The following AGMO variants were observed in gnomAD, a reference collection of about 807,000 sequenced individuals.
AGMO encodes alkylglycerol monooxygenase, also known as glyceryl-ether monooxygenase.
A neutral mutation model predicts 60.2 loss-of-function variants in AGMO; 75 were observed. That is an observed-to-expected ratio of 1.25 (90% CI 1.03 to 1.51). The LOEUF is 1.51. Ranked by LOEUF, AGMO falls within the 40% of genes most tolerant of loss-of-function variation. The pLI is 0.00. For synonymous variants in AGMO, 261 were observed against 177.1 expected (o/e 1.47, Z -3.76); for missense variants, 763 against 525.5 (o/e 1.45, Z -4.42).
chr7:15,118,195 CACACACACACACACAT>C, the AGMO span, among the ~76,000 whole-genome samples: 1 of 151,532 alleles, frequency 6.6e-6, no homozygotes, highest in Admixed American at 6.6e-5. Flanking sequence ...CACACACACA[CACACACACACACACAT>C]ATATACAAAC....
chr7:15,377,947 G>T (rs1026890129), intron 10 of AGMO, among the ~76,000 whole-genome samples: 1 of 152,008 alleles, frequency 6.6e-6, no homozygotes, highest in African/African-American at 2.4e-5. Context: ...GAAATTCTTG[G>T]TTTCAAATTT....
intron 3 of AGMO, among the ~76,000 whole-genome samples, chr7:15,542,967 T>G (rs17168818): frequency 0.034 from 5,194 of 152,246 alleles, 275 homozygotes; most frequent in African/African-American, 0.12. Flanking sequence ...ATATTTAAAT[T>G]TTAACAGCCT....
intron 3 of AGMO, among the ~76,000 whole-genome samples, chr7:15,480,146 T>A (rs1782711216): frequency 6.6e-6 from 1 of 152,164 alleles, no homozygotes; most frequent in African/African-American, 2.4e-5. Context: ...AGTAGTTACT[T>A]CCGAGATAGG....
intron 12 of AGMO, among the ~76,000 whole-genome samples, chr7:15,215,013 A>C (rs573670095): frequency 1.5e-4 from 23 of 152,156 alleles, no homozygotes; most frequent in Non-Finnish European, 2.9e-4. Context: ...CAAACTTTCA[A>C]ATGAATGAGT....
chr7:15,313,250 C>A (rs1780820228), intron 12 of AGMO, among the ~76,000 whole-genome samples: 1 of 152,150 alleles, frequency 6.6e-6, no homozygotes. Context: ...TAACATCCCC[C>A]ATCATTGACT....
At chr7:15,522,650 A>G (rs1361448161) in intron 3 of AGMO, among the ~76,000 whole-genome samples, 3 of 152,204 alleles carry the variant, frequency 2.0e-5, no homozygotes, top group African/African-American at 7.2e-5. Flanking sequence ...CATATGCAGA[A>G]AACTGAAACC....
At chr7:15,146,368 A>G in the AGMO span, among the ~76,000 whole-genome samples, 1 of 152,162 alleles carries the variant, frequency 6.6e-6, no homozygotes, top group Non-Finnish European at 1.5e-5. Flanking sequence ...TGTAATCCCA[A>G]ATGAATTACC....
At chr7:15,541,278 A>T (rs1047652355) in intron 3 of AGMO, among the ~76,000 whole-genome samples, 1 of 151,982 alleles carries the variant, frequency 6.6e-6, no homozygotes, top group African/African-American at 2.4e-5. Flanking sequence ...GTGGGCCACC[A>T]CACCTGCTAA....
At chr7:15,354,885 T>G (rs939942979) in intron 12 of AGMO, among the ~76,000 whole-genome samples, 1 of 151,792 alleles carries the variant, frequency 6.6e-6, no homozygotes, top group African/African-American at 2.4e-5. Flanking sequence ...TTCTCATATG[T>G]TACATAAAGG....
At chr7:15,240,627 C>A (rs530251579) in intron 12 of AGMO, among the ~76,000 whole-genome samples, 1 of 152,134 alleles carries the variant, frequency 6.6e-6, no homozygotes, top group African/African-American at 2.4e-5. Flanking sequence ...AAAACAAATA[C>A]TTATTTTGAT....
chr7:15,208,563 C>T (rs2115473611), intron 12 of AGMO, among the ~76,000 whole-genome samples: 1 of 152,234 alleles, frequency 6.6e-6, no homozygotes, highest in South Asian at 2.1e-4. Context: ...GAACATTATA[C>T]CTAGCTTGAC....
intron 12 of AGMO, among the ~76,000 whole-genome samples, chr7:15,360,923 G>T (rs371650404): frequency 7.2e-6 from 1 of 138,842 alleles, no homozygotes; most frequent in Non-Finnish European, 1.5e-5. Context: ...AAAATAAGAA[G>T]AAAAAACCAG....
intron 12 of AGMO, among the ~76,000 whole-genome samples, chr7:15,336,527 GA>G (rs1781667799): frequency 6.6e-6 from 1 of 152,132 alleles, no homozygotes; most frequent in East Asian, 1.9e-4. Context: ...GACTGCTGTT[GA>G]ATAGAAGATA....
chr7:15,550,080 G>A (rs1267422594), intron 2 of AGMO, among the ~76,000 whole-genome samples: 5 of 152,192 alleles, frequency 3.3e-5, no homozygotes, highest in East Asian at 3.9e-4. Flanking sequence ...GATACATAAC[G>A]AAATGAAGGC....
At chr7:15,527,058 T>C (rs10227642) in intron 3 of AGMO, among the ~76,000 whole-genome samples, 1,778 of 152,200 alleles carry the variant, frequency 0.012, 27 homozygotes, top group African/African-American at 0.037. Context: ...GACACAGCAA[T>C]ATAGAAATTA....
At chr7:15,194,740 C>G in the AGMO span, among the ~76,000 whole-genome samples, 13 of 152,234 alleles carry the variant, frequency 8.5e-5, no homozygotes, top group East Asian at 2.3e-3. Context: ...CTCATGGCAT[C>G]CTGATGATTT....
chr7:15,462,798 C>CAT (rs1253639164), intron 3 of AGMO, among the ~76,000 whole-genome samples: 1 of 151,992 alleles, frequency 6.6e-6, no homozygotes, highest in Non-Finnish European at 1.5e-5. Context: ...ATAAATGAAT[C>CAT]CATGCAAAAT....
chr7:15,421,629 T>C (rs1321582028), intron 4 of AGMO, among the ~76,000 whole-genome samples: 2 of 152,060 alleles, frequency 1.3e-5, no homozygotes, highest in Admixed American at 6.6e-5. Flanking sequence ...TTCTGGCTTG[T>C]CTGTTGGTGA....
intron 3 of AGMO, among the ~76,000 whole-genome samples, chr7:15,534,826 A>C (rs541820684): frequency 1.3e-5 from 2 of 151,950 alleles, no homozygotes; most frequent in South Asian, 4.1e-4. Flanking sequence ...TTTAACCCTG[A>C]ATTTTGGTAA....
Sources: allele counts gnomAD v4.1 joint callset (sites outside exome capture counted in the v4.1 genomes callset), GRCh38; gene constraint gnomAD v4.1.1; transcripts MANE v1.5; gene names NCBI Gene and HGNC (gene_info 2026-07-23, HGNC 2026-07-21).